MERTK: variants seen among roughly 807,000 people sequenced by gnomAD.
The protein encoded by MERTK is tyrosine-protein kinase Mer.
MERTK carries 69 observed loss-of-function variants against 99.3 expected under a neutral mutation model. That is an observed-to-expected ratio of 0.70 (90% CI 0.57 to 0.85). The LOEUF is 0.85. MERTK is among the 40% of genes least tolerant of loss of function. The probability of loss-of-function intolerance (pLI) is 0.00; values close to 1 mark genes in which losing one functional copy is unlikely to be tolerated. For synonymous variants in MERTK, 426 were observed against 467.6 expected, an observed-to-expected ratio of 0.91 and a Z score of 1.15; for missense variants, 1,125 against 1,249.4, an observed-to-expected ratio of 0.90 and a Z score of 1.50.
chr2:111,898,666 C>CG lies in MERTK; in HGVS notation c.-69dup. On this transcript the variant is annotated 5_prime_UTR_variant, in exon 1 of 19. Transcript: ENST00000295408. The stretch of plus-strand genomic sequence containing the variant: ...GAGCTTCGCTGGCGCGCTTGGCCGG[C>CG]GACAGGACAGGTTCGGGACGTCCAT... 8.4e-6 allele frequency: 13 copies of CG among 1,542,756 alleles called. No homozygotes were observed. In the South Asian group the frequency reaches 1.5e-4, roughly 18 times the overall value.
At chr2:111,903,439 C>T (rs888793568) in intron 1 of MERTK, among the ~76,000 whole-genome samples, 2 of 152,194 alleles carry the variant, frequency 1.3e-5, no homozygotes, top group Non-Finnish European at 2.9e-5. Flanking sequence ...TAACCCCAAA[C>T]ATATTTTACA....
At chr2:112,005,927 G>A (rs1676970404) in intron 13 of MERTK, among the ~76,000 whole-genome samples, 1 of 152,090 alleles carries the variant, frequency 6.6e-6, no homozygotes, top group African/African-American at 2.4e-5. Context: ...TGTCGCCCAG[G>A]CTGGAGTGCA....
At position 112,014,357 on chromosome 2, in the gene MERTK, G is replaced by T. The variant is rs544165836; in HGVS notation, c.2079+4291G>T. On this transcript the variant is annotated intron_variant, in intron 15 of 18. Transcript: ENST00000295408. ...ATTTTGTATTTTTAGTAGAGACAGG[G>T]TTTCTCCATGTTGGTCAGGCTGGTC... is the stretch of plus-strand genomic sequence containing the variant. Among the ~76,000 whole-genome samples the T allele has an allele frequency of 5.7e-4, 86 of 152,180 alleles. 1 individual carries two copies. The highest frequency in any genetic ancestry group is 2.0e-3 in the Admixed American group (31 of 15,300).
At chr2:111,988,426 T>A (rs1676538854) in intron 8 of MERTK, among the ~76,000 whole-genome samples, 1 of 152,178 alleles carries the variant, frequency 6.6e-6, no homozygotes, top group Non-Finnish European at 1.5e-5. Context: ...ATAAGCTTCT[T>A]GGTTTGGGGA....
intron 14 of MERTK, chr2:112,008,750 T>C: frequency 3.8e-6 from 2 of 520,142 alleles, no homozygotes; most frequent in Non-Finnish European, 7.0e-6. Flanking sequence ...TGTCCTCAGT[T>C]ACTCAAAGGC....
chr2:111,929,997 T>C (rs563793728), intron 2 of MERTK, among the ~76,000 whole-genome samples: 14 of 152,068 alleles, frequency 9.2e-5, no homozygotes, highest in African/African-American at 2.7e-4. Flanking sequence ...CTTTAGAGAG[T>C]TGAAGGATAA....
intron 4 of MERTK, among the ~76,000 whole-genome samples, chr2:111,951,937 T>C (rs888775591): frequency 6.6e-6 from 1 of 152,146 alleles, no homozygotes. Context: ...ACAAAATCTG[T>C]CCATCTCTGT....
intron 8 of MERTK, among the ~76,000 whole-genome samples, chr2:111,984,989 A>C (rs925696673): frequency 6.6e-6 from 1 of 152,208 alleles, no homozygotes; most frequent in South Asian, 2.1e-4. Flanking sequence ...TTCCTGCCTT[A>C]TAATCAATCT....
At chr2:111,948,225 G>C (rs1272490787) in intron 4 of MERTK, among the ~76,000 whole-genome samples, 2 of 152,180 alleles carry the variant, frequency 1.3e-5, no homozygotes, top group African/African-American at 4.8e-5. Context: ...CTGTATGCCT[G>C]AGGCTGTTCT....
chr2:111,976,790 A>G (rs1676262353), intron 7 of MERTK, among the ~76,000 whole-genome samples: 1 of 150,996 alleles, frequency 6.6e-6, no homozygotes, highest in Non-Finnish European at 1.5e-5. Flanking sequence ...TATGTTTAAT[A>G]TTTTTATGAT....
chr2:111,921,956 A>G (rs1441006710), intron 1 of MERTK, among the ~76,000 whole-genome samples: 1 of 152,174 alleles, frequency 6.6e-6, no homozygotes, highest in Admixed American at 6.5e-5. Context: ...TGGGGAAGGA[A>G]TAGAAAGAGC....
intron 18 of MERTK, 157 bp from the exon 19 acceptor site, chr2:112,028,193 AT>A: frequency 1.3e-6 from 1 of 784,492 alleles, no homozygotes; most frequent in Admixed American, 2.6e-5. Flanking sequence ...CAAAAGTTGT[AT>A]AAATATTAGG....
chr2:111,904,378 T>G (rs1276111201), intron 1 of MERTK, among the ~76,000 whole-genome samples: 1 of 118,750 alleles, frequency 8.4e-6, no homozygotes, highest in African/African-American at 2.8e-5. Flanking sequence ...TCCAGAAAAT[T>G]CTTTTTTTTT....
At chr2:111,986,602 G>C (rs1676482430) in intron 8 of MERTK, among the ~76,000 whole-genome samples, 1 of 152,208 alleles carries the variant, frequency 6.6e-6, no homozygotes, top group African/African-American at 2.4e-5. Context: ...CCTTATGAAT[G>C]ACTGTGGCTG....
At chr2:111,919,506 A>C (rs764050139) in intron 1 of MERTK, among the ~76,000 whole-genome samples, 1 of 152,070 alleles carries the variant, frequency 6.6e-6, no homozygotes, top group Admixed American at 6.6e-5. Context: ...TTGGAAGAAG[A>C]TAGTGAAAAG....
chr2:111,985,830 G>A (rs1226084496), intron 8 of MERTK, among the ~76,000 whole-genome samples: 1 of 152,064 alleles, frequency 6.6e-6, no homozygotes, highest in Non-Finnish European at 1.5e-5. Context: ...AATGAGGTTT[G>A]GGTGGGGACA....
chr2:111,943,836 A>AG (rs1319622213), intron 2 of MERTK, among the ~76,000 whole-genome samples: 2 of 152,216 alleles, frequency 1.3e-5, no homozygotes, highest in Non-Finnish European at 2.9e-5. Flanking sequence ...ATTAGGGTCT[A>AG]GTCTCAGGAG....
chr2:112,010,299 T>C (rs540048875), intron 15 of MERTK: 8 of 453,906 alleles, frequency 1.8e-5, no homozygotes, highest in Middle Eastern at 6.5e-4. Flanking sequence ...CACAGTCTTA[T>C]GGACAAAGCC....
At chr2:111,953,754 T>C (rs539923185) in intron 4 of MERTK, among the ~76,000 whole-genome samples, 1 of 152,316 alleles carries the variant, frequency 6.6e-6, no homozygotes, top group African/African-American at 2.4e-5. Flanking sequence ...TTTTGTATTT[T>C]TGTAGAGATG....
Sources: gnomAD v4.1 joint callset for allele counts (sites outside exome capture counted in the v4.1 genomes callset) on GRCh38, gnomAD v4.1.1 for gene constraint, MANE v1.5 for transcripts, NCBI Gene and HGNC (gene_info 2026-07-23, HGNC 2026-07-21) for gene names.